Variants in INPP4B observed in about 807,000 individuals in gnomAD.
The protein encoded by INPP4B is inositol polyphosphate-4-phosphatase type II B, also known as inositol polyphosphate 4-phosphatase type II.
INPP4B carries 55 observed loss-of-function variants against 122.5 expected under a neutral mutation model. The ratio of observed to expected loss-of-function variants is 0.45; its 90% CI spans 0.36 to 0.56. The LOEUF is 0.56. Among genes scored for constraint, INPP4B ranks in the 20% least tolerant of loss-of-function variants. INPP4B has a pLI of 0.00. For missense variants in INPP4B, 1,000 were observed against 1,097.7 expected (o/e 0.91, Z 1.26); for synonymous variants, 403 against 388.7 (o/e 1.04, Z -0.43).
At position 142,531,903 on chromosome 4, in the gene INPP4B, T is replaced by C. The variant is rs557090923; in HGVS notation, c.-190-69177A>G. ...CTAAGCTGAATATAACTGATAAATA[T>C]AAACATTATTGATTTACTTTTTAAT... On this transcript the variant is annotated intron_variant, in intron 2 of 25. Coordinates refer to ENST00000262992, the MANE Select transcript of INPP4B (RefSeq NM_001101669.3). Among the ~76,000 whole-genome samples the C allele has an allele frequency of 1.0e-3, 158 of 152,306 alleles. 1 individual carries two copies. The highest frequency in any genetic ancestry group is 3.6e-3 in the African/African-American group (148 of 41,568).
chr4:142,227,011 A>G (rs1434186092), intron 12 of INPP4B, among the ~76,000 whole-genome samples: 2 of 152,156 alleles, frequency 1.3e-5, no homozygotes, highest in Non-Finnish European at 2.9e-5. Context: ...ACAAACAGAA[A>G]CATTCGGCAG....
intron 2 of INPP4B, among the ~76,000 whole-genome samples, chr4:142,668,930 A>G (rs1017224846): frequency 6.6e-6 from 1 of 151,720 alleles, no homozygotes; most frequent in Non-Finnish European, 1.5e-5. Context: ...TGGTGGGCAC[A>G]TGTAGTCCCA....
At chr4:142,344,939 G>A (rs972414625) in intron 7 of INPP4B, among the ~76,000 whole-genome samples, 1 of 151,948 alleles carries the variant, frequency 6.6e-6, no homozygotes, top group Non-Finnish European at 1.5e-5. Flanking sequence ...CATGTAGTTA[G>A]TACACAACAG....
chr4:142,199,854 G>A (rs912566980), intron 14 of INPP4B, among the ~76,000 whole-genome samples: 23 of 152,024 alleles, frequency 1.5e-4, no homozygotes, highest in Middle Eastern at 3.2e-3. Flanking sequence ...GGCTAACCTT[G>A]ATGCATTGGA....
intron 8 of INPP4B, among the ~76,000 whole-genome samples, chr4:142,308,184 T>C (rs1430708422): frequency 1.3e-5 from 2 of 152,106 alleles, no homozygotes; most frequent in Non-Finnish European, 2.9e-5. Flanking sequence ...TGCCCATGAG[T>C]CAGGTTTATC....
intron 1 of INPP4B, among the ~76,000 whole-genome samples, chr4:142,731,764 G>A (rs1196046731): frequency 7.5e-6 from 1 of 132,964 alleles, no homozygotes; most frequent in Non-Finnish European, 1.7e-5. Flanking sequence ...AAGAACTTGA[G>A]ATTTTCAGGG....
intron 2 of INPP4B, among the ~76,000 whole-genome samples, chr4:142,503,114 T>C (rs1016988862): frequency 3.3e-5 from 5 of 152,222 alleles, no homozygotes; most frequent in African/African-American, 1.2e-4. Flanking sequence ...ATTTATGTAT[T>C]TGCAATAATA....
intron 2 of INPP4B, among the ~76,000 whole-genome samples, chr4:142,656,131 C>T (rs1754086992): frequency 6.6e-6 from 1 of 152,144 alleles, no homozygotes; most frequent in Non-Finnish European, 1.5e-5. Context: ...GGAGCCTGGC[C>T]CCTCTGCTTC....
At chr4:142,359,217 C>G (rs1212396835) in intron 7 of INPP4B, among the ~76,000 whole-genome samples, 1 of 146,972 alleles carries the variant, frequency 6.8e-6, no homozygotes, top group South Asian at 2.1e-4. Context: ...AAAAAACAAA[C>G]AAACAAACAA....
intron 25 of INPP4B, among the ~76,000 whole-genome samples, chr4:142,074,638 TTAAAA>T (rs1359773583): frequency 4.6e-5 from 7 of 152,222 alleles, no homozygotes; most frequent in South Asian, 4.1e-4. Flanking sequence ...TTGCTGTTAC[TTAAAA>T]TTAACTAGGG....
intron 7 of INPP4B, among the ~76,000 whole-genome samples, chr4:142,392,982 T>C (rs772873412): frequency 2.6e-5 from 4 of 152,174 alleles, no homozygotes; most frequent in Non-Finnish European, 5.9e-5. Flanking sequence ...CTCTTGATAG[T>C]TGTAAAAATA....
intron 2 of INPP4B, among the ~76,000 whole-genome samples, chr4:142,468,810 C>G (rs991889167): frequency 2.0e-5 from 3 of 152,068 alleles, no homozygotes; most frequent in Admixed American, 6.5e-5. Flanking sequence ...AACCTCTTTT[C>G]TTTATAAATA....
intron 2 of INPP4B, among the ~76,000 whole-genome samples, chr4:142,495,110 A>G (rs1288077748): frequency 6.6e-6 from 1 of 152,164 alleles, no homozygotes; most frequent in Non-Finnish European, 1.5e-5. Context: ...CCAATGTAGT[A>G]CTTTCATTAA....
Position 142,160,485 on chromosome 4 carries a change from C to A in INPP4B, c.1436G>T (p.Gly479Val). 1 of 1,612,624 alleles carries A rather than the reference C, an allele frequency of 6.2e-7. No homozygotes were observed. The highest frequency in any genetic ancestry group is 8.5e-7 in the Non-Finnish European group (1 of 1,179,182). Residue 479 changes from glycine to valine, a missense_variant, in exon 17 of 26, where the codon GGA (glycine) becomes GTA (valine). Coordinates refer to ENST00000262992, the MANE Select transcript of INPP4B (RefSeq NM_001101669.3). ...AGAGGGTGGCTTCTTAAGAATGCCT[C>A]CTGGCCTTGCAGTGTAGAGTGCTAA... ...ALLALYTARPGGILKKPPSPK... is the reference protein window; with the variant it reads ...ALLALYTARPVGILKKPPSPK...
chr4:142,734,732 G>A (rs183180166), intron 1 of INPP4B, among the ~76,000 whole-genome samples: 13 of 152,168 alleles, frequency 8.5e-5, no homozygotes, highest in African/African-American at 1.9e-4. Flanking sequence ...TGCAACCTCC[G>A]CCTCCCGGGA....
chr4:142,726,546 G>A (rs35838997), intron 1 of INPP4B, among the ~76,000 whole-genome samples: 4,054 of 152,264 alleles, frequency 0.027, 59 homozygotes, highest in South Asian at 0.051. Flanking sequence ...ATCTTGAGGA[G>A]TATCCCATAA....
intron 2 of INPP4B, among the ~76,000 whole-genome samples, chr4:142,722,748 A>G (rs577348307): frequency 5.3e-5 from 8 of 152,278 alleles, no homozygotes; most frequent in African/African-American, 1.9e-4. Context: ...ATGTTTTTGT[A>G]AAGCATTGTA....
intron 22 of INPP4B, among the ~76,000 whole-genome samples, chr4:142,111,744 T>C (rs1790228883): frequency 6.6e-6 from 1 of 152,032 alleles, no homozygotes; most frequent in Non-Finnish European, 1.5e-5. Context: ...AAAGAGATTT[T>C]TTTTTATTTC....
intron 2 of INPP4B, among the ~76,000 whole-genome samples, chr4:142,649,138 C>T (rs999358423): frequency 8.5e-5 from 13 of 152,168 alleles, no homozygotes; most frequent in Admixed American, 4.6e-4. Flanking sequence ...CCTGACTGTT[C>T]GAAGGAAAAC....
Sources: gnomAD v4.1 joint callset for allele counts (sites outside exome capture counted in the v4.1 genomes callset) on GRCh38, gnomAD v4.1.1 for gene constraint, MANE v1.5 for transcripts, NCBI Gene and HGNC (gene_info 2026-07-23, HGNC 2026-07-21) for gene names.